Variants in WDR20 observed in about 807,000 individuals in gnomAD.
WDR20 encodes the protein WD repeat-containing protein 20.
WDR20 carries 3 observed loss-of-function variants against 38.7 expected under a neutral mutation model. The ratio of observed to expected loss-of-function variants is 0.08; its 90% CI spans 0.04 to 0.20. WDR20 has a LOEUF of 0.20. Among genes scored for constraint, WDR20 ranks in the 10% least tolerant of loss-of-function variants. The probability of loss-of-function intolerance (pLI) is 1.00; values close to 1 mark genes in which losing one functional copy is unlikely to be tolerated. For missense variants in WDR20, 559 were observed against 727.7 expected (o/e 0.77, Z 2.67); for synonymous variants, 298 against 285.6 (o/e 1.04, Z -0.44).
downstream of WDR20, among the ~76,000 whole-genome samples, chr14:102,218,771 A>G (rs1394583182): frequency 6.6e-6 from 1 of 152,180 alleles, no homozygotes; most frequent in African/African-American, 2.4e-5. Context: ...GTGGGGGCTG[A>G]TGGGACGCCG....
At chr14:102,173,344 G>A (rs1020059338) in intron 1 of WDR20, among the ~76,000 whole-genome samples, 1 of 151,374 alleles carries the variant, frequency 6.6e-6, no homozygotes. Context: ...AAACTCCTGA[G>A]CTCAGACAAT....
intron 2 of WDR20, among the ~76,000 whole-genome samples, chr14:102,202,563 G>A (rs1226075597): frequency 1.3e-5 from 2 of 151,686 alleles, no homozygotes; most frequent in African/African-American, 2.4e-5. Flanking sequence ...TGTATTTTTA[G>A]TAGAGACAGG....
In WDR20 at chr14:102,164,355, A is replaced by G. The variant is rs552772541; in HGVS notation, c.249+24183A>G. 7.1e-3 allele frequency among the ~76,000 whole-genome samples: 275 copies of G among 38,560 alleles called. 2 individuals carry two copies. The highest frequency in any genetic ancestry group is 0.021 in the African/African-American group (261 of 12,488). The allele number at this position is 38,560 out of a possible 152,430, so 25.3% of individuals were successfully genotyped here. ...TGGTTTCATCTTCATCACATGACCC[A>G]GGAAGTACCTTGGTGCTAGCTTTCT... On this transcript the variant is annotated intron_variant, in intron 1 of 2. Coordinates refer to ENST00000342702, the MANE Select transcript of WDR20 (RefSeq NM_144574.4).
chr14:102,141,574 T>C (rs2051191631), intron 1 of WDR20, among the ~76,000 whole-genome samples: 1 of 152,216 alleles, frequency 6.6e-6, no homozygotes, highest in Non-Finnish European at 1.5e-5. Flanking sequence ...CCCAACTTTG[T>C]CACTGACTTG....
downstream of WDR20, among the ~76,000 whole-genome samples, chr14:102,215,920 C>G (rs962641961): frequency 3.9e-5 from 6 of 152,212 alleles, no homozygotes; most frequent in East Asian, 1.9e-4. Flanking sequence ...GGCCTACCCC[C>G]CTGCCTGAGG....
chr14:102,197,914 A>G, intron 2 of WDR20: 1 of 665,768 alleles, frequency 1.5e-6, no homozygotes, highest in Non-Finnish European at 2.7e-6. Flanking sequence ...TTGACTACCT[A>G]CCACATGCCC....
downstream of WDR20, chr14:102,214,789 T>C: frequency 1.0e-6 from 1 of 978,958 alleles, no homozygotes; most frequent in Non-Finnish European, 1.2e-6. Flanking sequence ...GTAAATTAAA[T>C]TCTTTACTGT....
downstream of WDR20, among the ~76,000 whole-genome samples, chr14:102,215,784 A>G (rs1597112293): frequency 6.6e-6 from 1 of 152,304 alleles, no homozygotes; most frequent in South Asian, 2.1e-4. Flanking sequence ...CTTCCTACAC[A>G]GGGCAGTGGG....
chr14:102,193,568 G>A, intron 1 of WDR20: 9 of 1,577,040 alleles, frequency 5.7e-6, no homozygotes, highest in Non-Finnish European at 7.8e-6. Flanking sequence ...TTGCCCTGGG[G>A]CTCCCAGAAC....
chr14:102,175,633 T>C (rs1434635019), intron 1 of WDR20, among the ~76,000 whole-genome samples: 3 of 152,192 alleles, frequency 2.0e-5, no homozygotes, highest in African/African-American at 7.2e-5. Flanking sequence ...ATTTATAGAT[T>C]GCTTTTGGCA....
Position 102,190,087 on chromosome 14 carries a change from A to G in WDR20, c.250-4851A>G, listed in dbSNP as rs1299348409. Among the ~76,000 whole-genome samples, 4 of 152,190 alleles carry G rather than the reference A, an allele frequency of 2.6e-5. No homozygotes were observed. In the East Asian group the frequency reaches 5.8e-4, roughly 22 times the overall value. On this transcript the variant is annotated intron_variant, in intron 1 of 2. Transcript: ENST00000342702. ...TTGCTTATGAGTTGTGTGGAGGGCC[A>G]GTGAAGGGTGGAGAGGCAAGATGGT...
downstream of WDR20, chr14:102,214,675 AAATC>A (rs1257251110): frequency 4.0e-5 from 39 of 983,502 alleles, no homozygotes; most frequent in South Asian, 1.9e-4. Flanking sequence ...TTTTGAGTGA[AAATC>A]AAAAGTAAAA....
At chr14:102,140,463 G>T (rs911275641) in intron 1 of WDR20, among the ~76,000 whole-genome samples, 1 of 152,112 alleles carries the variant, frequency 6.6e-6, no homozygotes, top group Non-Finnish European at 1.5e-5. Context: ...TGGTCCATCA[G>T]GCTCTGACAT....
At chr14:102,197,702 G>A in intron 2 of WDR20, 1 of 672,550 alleles carries the variant, frequency 1.5e-6, no homozygotes, top group Non-Finnish European at 2.7e-6. Context: ...AGATGTGGGG[G>A]AACCTTTGGC....
intron 1 of WDR20, among the ~76,000 whole-genome samples, chr14:102,158,805 A>G (rs2058022551): frequency 6.6e-6 from 1 of 151,988 alleles, no homozygotes; most frequent in Non-Finnish European, 1.5e-5. Context: ...CCCCTGTCTA[A>G]AGTCACCTCC....
chr14:102,218,122 T>TA (rs1050472451), downstream of WDR20, among the ~76,000 whole-genome samples: 53 of 152,348 alleles, frequency 3.5e-4, no homozygotes, highest in African/African-American at 1.2e-3. Flanking sequence ...AGAGAAGCGC[T>TA]AGTCTGCCCG....
At chr14:102,153,154 C>T (rs558336040) in intron 1 of WDR20, among the ~76,000 whole-genome samples, 21 of 152,228 alleles carry the variant, frequency 1.4e-4, no homozygotes, top group African/African-American at 4.8e-4. Flanking sequence ...CCTTGTCTCC[C>T]TCTTGCACCT....
chr14:102,214,524 C>T (rs1164480739), downstream of WDR20: 102 of 985,322 alleles, frequency 1.0e-4, no homozygotes, highest in Non-Finnish European at 1.2e-4. Context: ...ATTTCCGCAT[C>T]TGTTACACGA....
chr14:102,172,443 G>A (rs1377441834), intron 1 of WDR20, among the ~76,000 whole-genome samples: 4 of 150,870 alleles, frequency 2.7e-5, no homozygotes, highest in Non-Finnish European at 4.5e-5. Flanking sequence ...AGACGGGGTG[G>A]TGGCCGGGCA....
Sources: allele counts gnomAD v4.1 joint callset (sites outside exome capture counted in the v4.1 genomes callset), GRCh38; gene constraint gnomAD v4.1.1; transcripts MANE v1.5; gene names NCBI Gene and HGNC (gene_info 2026-07-23, HGNC 2026-07-21).